Variants in PAM observed in about 807,000 individuals in gnomAD.
PAM encodes peptidyl-glycine alpha-amidating monooxygenase.
In PAM, 72 loss-of-function variants were observed where a neutral mutation model predicts 122.1. The ratio of observed to expected loss-of-function variants is 0.59; its 90% CI spans 0.49 to 0.72. The LOEUF is 0.72. PAM is among the 30% of genes least tolerant of loss of function. The pLI is 0.00. For missense variants in PAM, 1,106 were observed against 1,183.7 expected, an observed-to-expected ratio of 0.93 and a Z score of 0.96; for synonymous variants, 389 against 404.4, an observed-to-expected ratio of 0.96 and a Z score of 0.46.
chr5:102,803,145 G>A (rs1580318239), intron 1 of PAM, among the ~76,000 whole-genome samples: 1 of 99,978 alleles, frequency 1.0e-5, no homozygotes, highest in Admixed American at 1.2e-4. Flanking sequence ...AAGAAAGAAA[G>A]AAAGGAAGGA....
At chr5:102,945,257 G>A (rs1296453820) in intron 7 of PAM, among the ~76,000 whole-genome samples, 1 of 151,984 alleles carries the variant, frequency 6.6e-6, no homozygotes, top group African/African-American at 2.4e-5. Flanking sequence ...GGAACTCAGT[G>A]AGCACTTCGT....
intron 1 of PAM, among the ~76,000 whole-genome samples, chr5:102,863,183 C>A (rs558124108): frequency 2.7e-5 from 4 of 145,574 alleles, no homozygotes; most frequent in African/African-American, 8.5e-5. Flanking sequence ...GTAAACAGAA[C>A]ATTTGCTTTG....
chr5:102,895,122 C>T (rs1268297678), intron 3 of PAM, among the ~76,000 whole-genome samples: 1 of 151,866 alleles, frequency 6.6e-6, no homozygotes, highest in East Asian at 2.0e-4. Flanking sequence ...AAACATGTTC[C>T]TCTGTCTGTG....
intron 7 of PAM, among the ~76,000 whole-genome samples, chr5:102,938,744 G>T (rs1238487180): frequency 6.6e-6 from 1 of 152,092 alleles, no homozygotes; most frequent in Non-Finnish European, 1.5e-5. Flanking sequence ...ATTAAGAGGA[G>T]AAATAAAGTC....
chr5:102,785,319 C>T (rs1421060760), intron 1 of PAM, among the ~76,000 whole-genome samples: 1 of 152,214 alleles, frequency 6.6e-6, no homozygotes, highest in Non-Finnish European at 1.5e-5. Context: ...AAATGAATCT[C>T]ATGCCCTTTA....
At chr5:102,824,520 C>T (rs1773009601) in intron 1 of PAM, among the ~76,000 whole-genome samples, 1 of 152,168 alleles carries the variant, frequency 6.6e-6, no homozygotes, top group Non-Finnish European at 1.5e-5. Flanking sequence ...TTTCCCAACA[C>T]TTACACTATA....
intron 21 of PAM, among the ~76,000 whole-genome samples, chr5:103,015,869 C>A (rs558490827): frequency 6.6e-6 from 1 of 152,134 alleles, no homozygotes; most frequent in African/African-American, 2.4e-5. Flanking sequence ...AAGCAAAGTT[C>A]TTAGCCAGTG....
At chr5:102,842,341 G>A (rs948314459) in intron 1 of PAM, among the ~76,000 whole-genome samples, 2 of 152,014 alleles carry the variant, frequency 1.3e-5, no homozygotes, top group Non-Finnish European at 2.9e-5. Flanking sequence ...GGGACCTGGT[G>A]GGAAGTAATT....
At chr5:102,946,452 T>A (rs1010819919) in intron 7 of PAM, among the ~76,000 whole-genome samples, 2 of 151,600 alleles carry the variant, frequency 1.3e-5, no homozygotes, top group Admixed American at 1.3e-4. Flanking sequence ...AATAAAAAAG[T>A]CTTTTGTTTG....
intron 4 of PAM, among the ~76,000 whole-genome samples, chr5:102,910,572 T>C (rs1237615153): frequency 3.3e-5 from 5 of 151,908 alleles, no homozygotes; most frequent in Admixed American, 6.6e-5. Flanking sequence ...CATTTCCACT[T>C]AAGCAACTGT....
At chr5:102,799,267 C>T (rs970737821) in intron 1 of PAM, among the ~76,000 whole-genome samples, 9 of 152,158 alleles carry the variant, frequency 5.9e-5, no homozygotes, top group African/African-American at 2.2e-4. Flanking sequence ...GCTTGCTTCA[C>T]AATGCAACGT....
chr5:102,906,654 T>G (rs1230772751), intron 4 of PAM, among the ~76,000 whole-genome samples: 1 of 151,680 alleles, frequency 6.6e-6, no homozygotes, highest in Non-Finnish European at 1.5e-5. Flanking sequence ...AGAACCAGAC[T>G]CATAGGGTCA....
At chr5:102,952,610 A>G (rs1759315856) in intron 12 of PAM, among the ~76,000 whole-genome samples, 1 of 152,188 alleles carries the variant, frequency 6.6e-6, no homozygotes, top group Non-Finnish European at 1.5e-5. Flanking sequence ...GACAAGTTTT[A>G]ATACATTTAA....
chr5:102,915,453 T>G (rs1802824009), intron 5 of PAM, among the ~76,000 whole-genome samples: 1 of 152,144 alleles, frequency 6.6e-6, no homozygotes, highest in Non-Finnish European at 1.5e-5. Flanking sequence ...CCTATGTGAC[T>G]GGGTTTATGT....
At chr5:102,987,972 T>G (rs1447985103) in intron 15 of PAM, among the ~76,000 whole-genome samples, 1 of 152,298 alleles carries the variant, frequency 6.6e-6, no homozygotes, top group South Asian at 2.1e-4. Context: ...GTACTTGTAA[T>G]GTACCTCAAA....
chr5:102,872,536 C>T (rs891699712), intron 3 of PAM, among the ~76,000 whole-genome samples: 3 of 152,126 alleles, frequency 2.0e-5, no homozygotes, highest in Admixed American at 2.0e-4. Flanking sequence ...ATTCCCTTGC[C>T]TCCACAATAC....
intron 24 of PAM, among the ~76,000 whole-genome samples, chr5:103,026,992 A>G (rs1785129021): frequency 6.6e-6 from 1 of 152,358 alleles, no homozygotes; most frequent in Middle Eastern, 3.4e-3. Flanking sequence ...TTAGGAAGGT[A>G]GAGACCCAGG....
chr5:102,846,159 A>G (rs1779896339), intron 1 of PAM, among the ~76,000 whole-genome samples: 1 of 152,116 alleles, frequency 6.6e-6, no homozygotes, highest in Non-Finnish European at 1.5e-5. Context: ...AATGAAATAT[A>G]CAGCTACCCT....
intron 17 of PAM, among the ~76,000 whole-genome samples, chr5:103,003,969 A>G (rs1454578748): frequency 2.0e-5 from 3 of 152,134 alleles, no homozygotes; most frequent in East Asian, 1.9e-4. Flanking sequence ...AAAAAAAAAA[A>G]GTTGACTGAT....
Sources: gnomAD v4.1 joint callset for allele counts (sites outside exome capture counted in the v4.1 genomes callset) on GRCh38, gnomAD v4.1.1 for gene constraint, MANE v1.5 for transcripts, NCBI Gene and HGNC (gene_info 2026-07-23, HGNC 2026-07-21) for gene names.